The following IGF1R variants were observed in gnomAD, a reference collection of about 807,000 sequenced individuals.
IGF1R encodes insulin like growth factor 1 receptor.
Under a neutral mutation model 144.6 loss-of-function variants are expected in IGF1R, and 44 were observed. The ratio of observed to expected loss-of-function variants is 0.30; its 90% CI spans 0.24 to 0.39. IGF1R has a LOEUF of 0.39. Ranked by LOEUF, IGF1R falls within the 10% of genes least tolerant of loss-of-function variation. IGF1R has a pLI of 1.00. For synonymous variants in IGF1R, 795 were observed against 722.8 expected (o/e 1.10, Z -1.60); for missense variants, 1,355 against 1,833.7 (o/e 0.74, Z 4.77).
chr15:98,854,308 C>T (rs143557273), intron 2 of IGF1R, among the ~76,000 whole-genome samples: 345 of 152,300 alleles, frequency 2.3e-3, no homozygotes, highest in Non-Finnish European at 4.4e-3. Context: ...TCATCTGGGC[C>T]AGGTGCTTTC....
At position 98,809,258 on chromosome 15, in the gene IGF1R, C is replaced by G. The variant is rs57359378; in HGVS notation, c.641-82067C>G. ...ATTTGCTGTCTGGCTAGCAGTACTT[C>G]AGGGTACTGGGTGGCTTGAGGACCT... On this transcript the variant is annotated intron_variant, in intron 2 of 20. Transcript: ENST00000650285. Among the ~76,000 whole-genome samples the G allele has an allele frequency of 3.9e-3, 592 of 152,296 alleles. 2 individuals are homozygous for G. The highest frequency in any genetic ancestry group is 0.014 in the African/African-American group (565 of 41,564).
At chr15:98,724,612 G>A (rs999918447) in intron 2 of IGF1R, among the ~76,000 whole-genome samples, 7 of 152,230 alleles carry the variant, frequency 4.6e-5, no homozygotes, top group Non-Finnish European at 1.0e-4. Context: ...TTGCTTGACT[G>A]CAGTGGGTCT....
chr15:98,810,923 C>T (rs1233658911), intron 2 of IGF1R, among the ~76,000 whole-genome samples: 7 of 152,172 alleles, frequency 4.6e-5, no homozygotes, highest in South Asian at 2.1e-4. Flanking sequence ...CCTGCCACAC[C>T]TGTTGTTGCA....
intron 2 of IGF1R, among the ~76,000 whole-genome samples, chr15:98,720,313 A>G (rs1178548010): frequency 6.6e-6 from 1 of 152,240 alleles, no homozygotes; most frequent in Non-Finnish European, 1.5e-5. Flanking sequence ...TGTCTATTGC[A>G]GAAAGCACGA....
chr15:98,835,835 C>T (rs987048473), intron 2 of IGF1R, among the ~76,000 whole-genome samples: 1 of 152,136 alleles, frequency 6.6e-6, no homozygotes, highest in East Asian at 1.9e-4. Context: ...TCTTCAAAGC[C>T]AAGTTCTGAA....
At chr15:98,842,840 A>C (rs1426668109) in intron 2 of IGF1R, among the ~76,000 whole-genome samples, 1 of 152,216 alleles carries the variant, frequency 6.6e-6, no homozygotes, top group Non-Finnish European at 1.5e-5. Context: ...TTCAACATGG[A>C]AATCTAGCCA....
intron 18 of IGF1R, among the ~76,000 whole-genome samples, chr15:98,941,663 G>A (rs184214880): frequency 1.1e-4 from 16 of 152,238 alleles, no homozygotes; most frequent in African/African-American, 3.1e-4. Flanking sequence ...AATGCCCAGC[G>A]TCTCATGGAT....
rs1335469497 is a variant in IGF1R, at chr15:98,707,778, C to T, written c.311C>T (p.Thr104Met). Residue 104 changes from threonine to methionine, a missense_variant, in exon 2 of 21, where the codon ACG (threonine) becomes ATG (methionine). Transcript: ENST00000650285. This position sits in a 1 kb window ranked among gnomAD's most constrained non-coding sequence, Gnocchi z 6.7. ...ESLGDLFPNL[T>M]VIRGWKLFYN... ...CTCGGAGACCTCTTCCCCAACCTCA[C>T]GGTCATCCGCGGCTGGAAACTCTTC... is the stretch of plus-strand genomic sequence containing the variant. The T allele has an allele frequency of 1.5e-5, 24 of 1,614,186 alleles. No homozygotes were observed. Among genetic ancestry groups the T allele is most frequent in the Middle Eastern group, 1.6e-4 (1 of 6,062 alleles).
chr15:98,733,689 T>TA (rs2054548089), intron 2 of IGF1R, among the ~76,000 whole-genome samples: 1 of 152,116 alleles, frequency 6.6e-6, no homozygotes. Context: ...TGAGAAGTGG[T>TA]AGACCTCCCC....
rs1380994617 is a variant in IGF1R, at chr15:98,916,733, C to G, written c.2058C>G (p.Asn686Lys). 1.2e-6 allele frequency: 2 copies of G among 1,614,074 alleles called. No homozygotes were observed. Among genetic ancestry groups the G allele is most frequent in the East Asian group, 4.5e-5 (2 of 44,870 alleles). ...TCGACATTGAGGAGGTCACAGAGAA[C>G]CCCAAGACTGAGGTGTGTGGTGGGG... ...GTIDIEEVTE[N>K]PKTEVCGGEK... Residue 686 changes from asparagine to lysine, a missense_variant, in exon 10 of 21, where the codon AAC becomes AAG. Asn to Lys is a moderately conservative substitution (Grantham distance 94). Coordinates refer to ENST00000650285, the MANE Select transcript of IGF1R (RefSeq NM_000875.5).
intron 15 of IGF1R, among the ~76,000 whole-genome samples, chr15:98,933,439 G>T (rs2016020583): frequency 6.6e-6 from 1 of 151,924 alleles, no homozygotes. Flanking sequence ...AACCTCCTGG[G>T]CTCAGGCGAT....
chr15:98,789,805 C>T (rs1472584479), intron 2 of IGF1R, among the ~76,000 whole-genome samples: 1 of 152,194 alleles, frequency 6.6e-6, no homozygotes, highest in East Asian at 1.9e-4. Context: ...TGGGAGGGTC[C>T]TCAGCTTTGG....
intron 1 of IGF1R, among the ~76,000 whole-genome samples, chr15:98,681,151 C>T (rs188654306): frequency 1.3e-5 from 2 of 152,270 alleles, no homozygotes; most frequent in Middle Eastern, 3.4e-3. Context: ...TTAAGTGATA[C>T]GTAACTCTGC....
chr15:98,930,584 A>C (rs2015902174), intron 15 of IGF1R, among the ~76,000 whole-genome samples: 1 of 152,160 alleles, frequency 6.6e-6, no homozygotes, highest in Admixed American at 6.5e-5. Context: ...CAATTTATTT[A>C]ATTGCTTGAG....
intron 1 of IGF1R, among the ~76,000 whole-genome samples, chr15:98,700,385 A>G (rs1417471626): frequency 6.6e-6 from 1 of 152,176 alleles, no homozygotes; most frequent in Non-Finnish European, 1.5e-5. Flanking sequence ...ACCACACTGC[A>G]GATAAGGTGG....
rs1596432934 is a variant in IGF1R at position 98,909,349 on chromosome 15, C to T, written c.1462+450C>T. Among the ~76,000 whole-genome samples the T allele has an allele frequency of 2.1e-5, 3 of 143,478 alleles. No homozygotes were observed. The South Asian group carries it at 6.7e-4, about 32-fold the overall frequency. 94.1% of individuals were successfully genotyped at this position (143,478 alleles called of 152,430 possible). A position where few individuals can be genotyped will look rare whatever the true frequency, so the allele number is the denominator to read the frequency against. On this transcript the variant is annotated intron_variant, in intron 6 of 20. Coordinates refer to ENST00000650285, the MANE Select transcript of IGF1R (RefSeq NM_000875.5). ...TGATCTTGGCTCACTGTAACCTCCA[C>T]CTCGGTTCAAGCGGTTCTCATGCCT...
rs1412485164 is a variant in IGF1R, at chr15:98,891,584, C to T, written c.900C>T (p.Asp300=). The change falls in exon 3 of 21, where the codon GAC becomes GAT. Residue 300 remains aspartate (D), a synonymous_variant. Transcript: ENST00000650285. This position sits in a 1 kb window ranked among gnomAD's most constrained non-coding sequence, Gnocchi z 4.7. ...SSDSEGFVIH[D]GECMQECPSG... Reference sequence around the variant, plus strand: ...ACTCCGAGGGGTTTGTGATCCACGACGGCGAGTGCATGCAGGAGTGCCCCT... The same window carrying T: ...ACTCCGAGGGGTTTGTGATCCACGATGGCGAGTGCATGCAGGAGTGCCCCT... The T allele has an allele frequency of 1.4e-5, 22 of 1,605,414 alleles. No homozygotes were observed. Among genetic ancestry groups the T allele is most frequent in the Admixed American group, 1.7e-5 (1 of 60,010 alleles).
At position 98,922,210 on chromosome 15, in the gene IGF1R, G is replaced by A. The variant is rs1245437153; in HGVS notation, c.2264G>A (p.Arg755Lys). 1 of 1,614,092 alleles carries A rather than the reference G, an allele frequency of 6.2e-7. No individual in the cohort carries two copies. The highest frequency in any genetic ancestry group is 2.2e-5 in the East Asian group (1 of 44,894). ...AACACCACCATGTCCAGCCGAAGCA[G>A]GAACACCACGGCCGCAGACACCTAC... ...VANTTMSSRS[R>K]NTTAADTYNI... Residue 755 changes from arginine to lysine, a missense_variant, in exon 11 of 21, where the codon AGG becomes AAG. Transcript: ENST00000650285.
chr15:98,959,533 CG>C lies in IGF1R; in HGVS notation c.*2093del. On this transcript the variant is annotated 3_prime_UTR_variant, in exon 21 of 21. Coordinates refer to ENST00000650285, the MANE Select transcript of IGF1R (RefSeq NM_000875.5). Reference sequence around the variant, plus strand: ...CTAGGTGGAGGCAGCACAGACGCCACGGTGGCCCAAGAGCCCCTTTGCTTCT... The same window carrying C: ...CTAGGTGGAGGCAGCACAGACGCCACGTGGCCCAAGAGCCCCTTTGCTTCT... 4.3e-6 allele frequency: 1 copy of C among 233,538 alleles called. No homozygotes were observed. The highest frequency in any genetic ancestry group is 1.3e-3 in the Middle Eastern group (1 of 786). The allele number at this position is 233,538 out of a possible 1,614,324, so 14.5% of individuals were successfully genotyped here.
Sources: allele counts gnomAD v4.1 joint callset (sites outside exome capture counted in the v4.1 genomes callset), GRCh38; gene constraint gnomAD v4.1.1; non-coding constraint Gnocchi (gnomAD v3.1); transcripts MANE v1.5; gene names NCBI Gene and HGNC (gene_info 2026-07-23, HGNC 2026-07-21).